Variants in NEMF observed in about 807,000 individuals in gnomAD.
The protein encoded by NEMF is ribosome quality control complex subunit NEMF.
A neutral mutation model predicts 162.2 loss-of-function variants in NEMF; 89 were observed. The observed-to-expected ratio is 0.55, with a 90% CI of 0.46 to 0.65. NEMF has a LOEUF of 0.65. Among genes scored for constraint, NEMF ranks in the 30% least tolerant of loss-of-function variants. The pLI, the probability that NEMF is intolerant of heterozygous loss-of-function variation, is 0.00. For synonymous variants in NEMF, 421 were observed against 404.5 expected (o/e 1.04, Z -0.49); for missense variants, 1,133 against 1,261.9 (o/e 0.90, Z 1.55).
chr14:49,841,621 A>G (rs886298563), intron 4 of NEMF, among the ~76,000 whole-genome samples: 45 of 151,850 alleles, frequency 3.0e-4, no homozygotes, highest in Admixed American at 9.2e-4. Context: ...AAATGTGGTC[A>G]ATTTCAGAAG....
chr14:49,831,398 GCA>G lies in NEMF; in HGVS notation c.883-39_883-38del, dbSNP rs547908964. The G allele has an allele frequency of 3.2e-4, 393 of 1,243,992 alleles. 2 individuals carry two copies. The African/African-American group carries it at 5.0e-3, about 16-fold the overall frequency. 77.1% of individuals were successfully genotyped at this position (1,243,992 alleles called of 1,614,324 possible). On this transcript the variant is annotated intron_variant, in intron 10 of 32. Coordinates refer to ENST00000298310, the MANE Select transcript of NEMF (RefSeq NM_004713.6). ...AACAAACAACTAGTTGGAAAAAAAAGCACAGTCTCTACTTCAACTTGCATACA... is the reference window on the plus strand; with the variant it reads ...AACAAACAACTAGTTGGAAAAAAAAGCAGTCTCTACTTCAACTTGCATACA...
intron 18 of NEMF, among the ~76,000 whole-genome samples, chr14:49,811,756 A>G (rs1370514875): frequency 6.6e-6 from 1 of 152,172 alleles, no homozygotes; most frequent in Non-Finnish European, 1.5e-5. Context: ...ATTTCCATAT[A>G]CTGAACCAAG....
At chr14:49,847,350 C>T (rs1242084807) in intron 3 of NEMF, among the ~76,000 whole-genome samples, 2 of 151,772 alleles carry the variant, frequency 1.3e-5, no homozygotes, top group African/African-American at 4.8e-5. Context: ...ACTACAGGCG[C>T]CCACTACCAC....
intron 18 of NEMF, 36 bp downstream of exon 18, chr14:49,813,952 A>G (rs1891602470): frequency 8.3e-7 from 1 of 1,207,548 alleles, no homozygotes; most frequent in Non-Finnish European, 1.2e-6. Flanking sequence ...TTTTAAAGAA[A>G]GGAACAGGAA....
At chr14:49,784,762 A>C (rs774939999) in intron 32 of NEMF, 49 bp from the exon 33 acceptor site, 1 of 1,524,088 alleles carries the variant, frequency 6.6e-7, no homozygotes, top group South Asian at 1.2e-5. Flanking sequence ...ATGGTCAATC[A>C]TGTTTCTTTT....
At position 49,782,983 on chromosome 14, in the gene NEMF, T is replaced by G. The variant is rs1177263116; in HGVS notation, c.*1653A>C. ...TCATAAATAATGCCTATGATCACCT[T>G]GCATGGACAGCAATCCTGTAAACAT... On this transcript the variant is annotated 3_prime_UTR_variant, in exon 33 of 33. Coordinates refer to ENST00000298310, the MANE Select transcript of NEMF (RefSeq NM_004713.6). 23 of 1,602,982 alleles carry G rather than the reference T, an allele frequency of 1.4e-5. No homozygotes were observed. Among genetic ancestry groups the G allele is most frequent in the Non-Finnish European group, 2.0e-5 (23 of 1,174,230 alleles).
intron 4 of NEMF, among the ~76,000 whole-genome samples, chr14:49,842,499 G>C (rs1893264646): frequency 6.6e-6 from 1 of 152,170 alleles, no homozygotes; most frequent in Non-Finnish European, 1.5e-5. Flanking sequence ...GTGAAGATCA[G>C]AGTTACTCTA....
At chr14:49,849,273 G>C (rs772692037) in intron 3 of NEMF, among the ~76,000 whole-genome samples, 1 of 152,164 alleles carries the variant, frequency 6.6e-6, no homozygotes, top group African/African-American at 2.4e-5. Flanking sequence ...TCATTGAAAG[G>C]ACAGAAGTTC....
At chr14:49,822,934 ATTTT>A (rs10709782) in intron 16 of NEMF, among the ~76,000 whole-genome samples, 10 of 115,632 alleles carry the variant, frequency 8.6e-5, no homozygotes, top group Admixed American at 1.8e-4. Flanking sequence ...CCCCTTAGAG[ATTTT>A]TTTTTTTTTT....
intron 26 of NEMF, among the ~76,000 whole-genome samples, chr14:49,790,957 C>T (rs372462229): frequency 5.9e-5 from 9 of 151,794 alleles, no homozygotes; most frequent in Admixed American, 2.0e-4. Context: ...CATGCTATTG[C>T]ACTCCAACCT....
intron 18 of NEMF, among the ~76,000 whole-genome samples, chr14:49,810,667 A>C (rs1203491080): frequency 6.6e-6 from 1 of 152,114 alleles, no homozygotes; most frequent in Non-Finnish European, 1.5e-5. Context: ...TTTTAGAATC[A>C]GCTTCTCCAT....
rs953157460 is a variant in NEMF at position 49,783,637 on chromosome 14, T to C, written c.*999A>G. 2.0e-5 allele frequency: 3 copies of C among 152,138 alleles called. No individual in the cohort carries two copies. The highest frequency in any genetic ancestry group is 4.4e-5 in the Non-Finnish European group (3 of 68,022). The allele number at this position is 152,138 out of a possible 1,614,324, so 9.4% of individuals were successfully genotyped here. ...CAGAGGAAAAGTGGGTTAGAGTCTT[T>C]AGTGGTAAGCCTAAAATGCGCTTCT... On this transcript the variant is annotated 3_prime_UTR_variant, in exon 33 of 33. Transcript: ENST00000298310.
At chr14:49,824,628 C>T (rs1212581920) in intron 16 of NEMF, among the ~76,000 whole-genome samples, 1 of 150,074 alleles carries the variant, frequency 6.7e-6, no homozygotes, top group East Asian at 2.0e-4. Flanking sequence ...CGGGGTTTGG[C>T]ATGTTGCACA....
chr14:49,784,809 G>A, intron 32 of NEMF, 96 bp from the exon 33 acceptor site: 1 of 1,410,496 alleles, frequency 7.1e-7, no homozygotes, highest in South Asian at 1.2e-5. Flanking sequence ...ACTTTTAGCT[G>A]AGATGGTTTT....
Position 49,838,854 on chromosome 14 carries a change from G to T in NEMF, c.507-648C>A, listed in dbSNP as rs551512023. Among the ~76,000 whole-genome samples, 7 of 152,050 alleles carry T rather than the reference G, an allele frequency of 4.6e-5. No individual in the cohort carries two copies. The South Asian group carries it at 1.5e-3, about 32-fold the overall frequency. ...CCACCTTGGCCTCCCAAAGCGGTGGGATTACAGGCGTGAGACACCGTGCCC... is the reference window on the plus strand; with the variant it reads ...CCACCTTGGCCTCCCAAAGCGGTGGTATTACAGGCGTGAGACACCGTGCCC... On this transcript the variant is annotated intron_variant, in intron 5 of 32. Transcript: ENST00000298310.
chr14:49,782,362 A>G lies in NEMF; in HGVS notation c.*2274T>C. 1 of 1,596,122 alleles carries G rather than the reference A, an allele frequency of 6.3e-7. No homozygotes were observed. Among genetic ancestry groups the G allele is most frequent in the Non-Finnish European group, 8.6e-7 (1 of 1,169,178 alleles). ...GTGGCTTCAAACTCGTTTTTGTTTT[A>G]AATGCAGGTTATGGCACACAGCTTG... On this transcript the variant is annotated 3_prime_UTR_variant, in exon 33 of 33. Transcript: ENST00000298310.
intron 16 of NEMF, among the ~76,000 whole-genome samples, chr14:49,822,105 A>C (rs1892093625): frequency 6.6e-6 from 1 of 151,894 alleles, no homozygotes; most frequent in African/African-American, 2.4e-5. Context: ...CAGATGCTTG[A>C]AGGCAGCATG....
intron 3 of NEMF, among the ~76,000 whole-genome samples, chr14:49,850,248 G>A (rs919383618): frequency 6.6e-6 from 1 of 152,118 alleles, no homozygotes; most frequent in Non-Finnish European, 1.5e-5. Flanking sequence ...AATTACAGGT[G>A]TGTGCCACCA....
chr14:49,823,031 A>G (rs1892160579), intron 16 of NEMF, among the ~76,000 whole-genome samples: 1 of 151,222 alleles, frequency 6.6e-6, no homozygotes, highest in Non-Finnish European at 1.5e-5. Context: ...CTGCCTCCCA[A>G]GTTCAAGTGA....
Sources: allele counts gnomAD v4.1 joint callset (sites outside exome capture counted in the v4.1 genomes callset), GRCh38; gene constraint gnomAD v4.1.1; transcripts MANE v1.5; gene names NCBI Gene and HGNC (gene_info 2026-07-23, HGNC 2026-07-21).